GRID1: variants seen among roughly 807,000 people sequenced by gnomAD.
GRID1 encodes the protein glutamate ionotropic receptor delta type subunit 1.
A neutral mutation model predicts 98.0 loss-of-function variants in GRID1; 28 were observed. The ratio of observed to expected loss-of-function variants is 0.29; its 90% CI spans 0.21 to 0.39. The LOEUF is 0.39. GRID1 is among the 10% of genes least tolerant of loss of function. The pLI is 1.00. For synonymous variants in GRID1, 553 were observed against 538.5 expected (o/e 1.03, Z -0.37); for missense variants, 1,111 against 1,340.5 (o/e 0.83, Z 2.67).
chr10:86,231,195 T>C (rs913753848), intron 2 of GRID1, among the ~76,000 whole-genome samples: 5 of 152,150 alleles, frequency 3.3e-5, no homozygotes, highest in African/African-American at 1.2e-4. Flanking sequence ...TTGTCCACAA[T>C]CAATTTCAAA....
At chr10:85,959,506 TC>T (rs557308640) in intron 4 of GRID1, among the ~76,000 whole-genome samples, 16 of 152,296 alleles carry the variant, frequency 1.1e-4, no homozygotes, top group African/African-American at 3.4e-4. Flanking sequence ...CCAGGAGAGT[TC>T]CCTGTGCACT....
rs559607836 is a variant in GRID1 at position 86,342,989 on chromosome 10, G to A, written c.235+20952C>T. On this transcript the variant is annotated intron_variant, in intron 2 of 15. Transcript: ENST00000327946. ...CAGGAAATGAATGAACAAATGAATGGACATTTCCTTTATACTATCCCCACT... is the reference window on the plus strand; with the variant it reads ...CAGGAAATGAATGAACAAATGAATGAACATTTCCTTTATACTATCCCCACT... Among the ~76,000 whole-genome samples, 3 of 149,716 alleles carry A rather than the reference G, an allele frequency of 2.0e-5. No individual in the cohort carries two copies. The East Asian group carries it at 5.9e-4, about 29-fold the overall frequency.
chr10:86,214,535 G>C (rs905624344), intron 2 of GRID1, among the ~76,000 whole-genome samples: 1 of 152,040 alleles, frequency 6.6e-6, no homozygotes, highest in East Asian at 1.9e-4. Flanking sequence ...CTGCTTACCC[G>C]CCCCCCTGAC....
At chr10:86,076,690 A>G (rs1843886190) in intron 4 of GRID1, among the ~76,000 whole-genome samples, 3 of 152,158 alleles carry the variant, frequency 2.0e-5, no homozygotes, top group Admixed American at 1.3e-4. Flanking sequence ...TGGGCCATTC[A>G]GTCCTTCAAC....
At chr10:85,894,095 C>A (rs1841243978) in intron 5 of GRID1, among the ~76,000 whole-genome samples, 1 of 152,132 alleles carries the variant, frequency 6.6e-6, no homozygotes, top group South Asian at 2.1e-4. Context: ...TAGTGTGGCA[C>A]TGCTGGGACA....
chr10:86,268,686 A>G (rs1034982458), intron 2 of GRID1, among the ~76,000 whole-genome samples: 4 of 152,250 alleles, frequency 2.6e-5, no homozygotes, highest in African/African-American at 9.6e-5. Flanking sequence ...CACGTGAAGC[A>G]TGTTAGAAAG....
At chr10:86,234,796 G>A (rs1846510333) in intron 2 of GRID1, among the ~76,000 whole-genome samples, 1 of 146,848 alleles carries the variant, frequency 6.8e-6, no homozygotes, top group Admixed American at 7.0e-5. Context: ...ATCCAGCTCT[G>A]GGCCCATCAG....
chr10:86,047,692 A>G (rs1474833145), intron 4 of GRID1, among the ~76,000 whole-genome samples: 1 of 152,066 alleles, frequency 6.6e-6, no homozygotes. Context: ...CGGAGGAGCC[A>G]CCTCAGTGCC....
intron 12 of GRID1, among the ~76,000 whole-genome samples, chr10:85,719,415 C>A (rs1841675183): frequency 6.6e-6 from 1 of 152,040 alleles, no homozygotes; most frequent in South Asian, 2.1e-4. Flanking sequence ...AAAGACATAC[C>A]CAAAACTGGG....
intron 15 of GRID1, among the ~76,000 whole-genome samples, chr10:85,605,184 T>G (rs551691660): frequency 1.3e-5 from 2 of 152,330 alleles, no homozygotes; most frequent in African/African-American, 4.8e-5. Flanking sequence ...TGCTATGAGC[T>G]CCTGTTAAAC....
At chr10:86,096,397 C>G (rs1456891643) in intron 4 of GRID1, among the ~76,000 whole-genome samples, 1 of 152,164 alleles carries the variant, frequency 6.6e-6, no homozygotes, top group Admixed American at 6.5e-5. Context: ...TGTTCCAGCC[C>G]CACAAATGTT....
intron 5 of GRID1, among the ~76,000 whole-genome samples, chr10:85,878,393 G>C (rs943304818): frequency 2.0e-5 from 3 of 152,142 alleles, no homozygotes; most frequent in Non-Finnish European, 1.5e-5. Flanking sequence ...ACCCACAAAG[G>C]GAAGCCCATC....
At chr10:86,048,321 G>A (rs1280980601) in intron 4 of GRID1, among the ~76,000 whole-genome samples, 1 of 152,182 alleles carries the variant, frequency 6.6e-6, no homozygotes, top group African/African-American at 2.4e-5. Flanking sequence ...AAGTAGGGCA[G>A]AGAGGCAGCC....
chr10:86,346,734 G>C (rs1449111160), intron 2 of GRID1, among the ~76,000 whole-genome samples: 2 of 152,218 alleles, frequency 1.3e-5, no homozygotes, highest in East Asian at 3.8e-4. Context: ...AGGATAAACA[G>C]AGGCTGGCCA....
At chr10:86,131,579 T>C (rs1057134306) in intron 4 of GRID1, among the ~76,000 whole-genome samples, 1 of 152,116 alleles carries the variant, frequency 6.6e-6, no homozygotes. Context: ...CTGTAAGGCT[T>C]TCAGCACCCC....
At chr10:86,324,763 G>A (rs1041499369) in intron 2 of GRID1, among the ~76,000 whole-genome samples, 2 of 149,194 alleles carry the variant, frequency 1.3e-5, no homozygotes, top group African/African-American at 5.0e-5. Context: ...ATTAAGTTAT[G>A]CTAATAAAAT....
At chr10:85,840,173 T>C (rs1215289498) in intron 8 of GRID1, among the ~76,000 whole-genome samples, 1 of 152,050 alleles carries the variant, frequency 6.6e-6, no homozygotes, top group African/African-American at 2.4e-5. Flanking sequence ...CTACCTGAGG[T>C]ACTAAGAAGA....
At chr10:85,684,187 T>C (rs1207903604) in intron 12 of GRID1, among the ~76,000 whole-genome samples, 1 of 152,222 alleles carries the variant, frequency 6.6e-6, no homozygotes, top group Non-Finnish European at 1.5e-5. Context: ...TGTGTTAAGA[T>C]ATTTTGGCAT....
At chr10:85,847,221 C>T (rs1843014816) in intron 8 of GRID1, among the ~76,000 whole-genome samples, 1 of 152,184 alleles carries the variant, frequency 6.6e-6, no homozygotes, top group African/African-American at 2.4e-5. Flanking sequence ...TGCTATCTTT[C>T]TGGGTATGAC....
Sources: gnomAD v4.1 joint callset for allele counts (sites outside exome capture counted in the v4.1 genomes callset) on GRCh38, gnomAD v4.1.1 for gene constraint, MANE v1.5 for transcripts, NCBI Gene and HGNC (gene_info 2026-07-23, HGNC 2026-07-21) for gene names.